The following FAM184B variants were observed in gnomAD, a reference collection of about 807,000 sequenced individuals.
FAM184B encodes protein FAM184B.
A neutral mutation model predicts 135.9 loss-of-function variants in FAM184B; 111 were observed. The observed-to-expected ratio is 0.82, with a 90% confidence interval of 0.70 to 0.96. The LOEUF (loss-of-function observed/expected upper bound fraction) is 0.96. Among genes scored for constraint, FAM184B ranks in the 40% least tolerant of loss-of-function variants. The probability of loss-of-function intolerance (pLI) is 0.00; values close to 1 mark genes in which losing one functional copy is unlikely to be tolerated. For synonymous variants in FAM184B, 552 were observed against 524.8 expected (o/e 1.05, Z -0.71); for missense variants, 1,375 against 1,323.9 (o/e 1.04, Z -0.60).
At position 17,709,263 on chromosome 4, in the gene FAM184B, G is replaced by A. The variant is rs1478889037; in HGVS notation, c.523C>T (p.Arg175Trp). 3 of 1,547,110 alleles carry A rather than the reference G, an allele frequency of 1.9e-6. No individual in the cohort carries two copies. The highest frequency in any genetic ancestry group is 2.4e-5 in the East Asian group (1 of 40,854). ...LTSHEATPQG[R>W]LPQESPETKS... ...GTTTCAGGGCTCTCCTGGGGCAGCC[G>A]GCCCTGCGGGGTAGCCTCGTGGCTC... The change falls in exon 2 of 18, where the codon CGG (arginine) becomes TGG (tryptophan). Residue 175 changes from arginine (R) to tryptophan (W), a missense_variant. Coordinates refer to ENST00000265018, the MANE Select transcript of FAM184B (RefSeq NM_015688.2).
At chr4:17,726,009 C>T (rs543570159) in intron 1 of FAM184B, among the ~76,000 whole-genome samples, 33 of 151,896 alleles carry the variant, frequency 2.2e-4, no homozygotes, top group African/African-American at 4.3e-4. Context: ...CTGTAAGCTC[C>T]GCCTCCCAGG....
chr4:17,658,718 G>A (rs1013649592), intron 9 of FAM184B, among the ~76,000 whole-genome samples, 156 bp from the exon 10 acceptor site: 1 of 152,214 alleles, frequency 6.6e-6, no homozygotes, highest in Non-Finnish European at 1.5e-5. Flanking sequence ...TTAAGGACCT[G>A]GGGGTGGCCA....
intron 1 of FAM184B, among the ~76,000 whole-genome samples, chr4:17,732,928 G>A (rs1210131483): frequency 6.6e-6 from 1 of 151,896 alleles, no homozygotes; most frequent in Non-Finnish European, 1.5e-5. Flanking sequence ...ATTGATGCAA[G>A]AATCCTCAAT....
At chr4:17,653,186 C>A (rs1715675077) in intron 10 of FAM184B, among the ~76,000 whole-genome samples, 1 of 152,166 alleles carries the variant, frequency 6.6e-6, no homozygotes, top group Non-Finnish European at 1.5e-5. Context: ...CCTTCCACAG[C>A]TGATTGGGCC....
chr4:17,671,556 TG>T (rs767796812), intron 7 of FAM184B, among the ~76,000 whole-genome samples: 9 of 152,048 alleles, frequency 5.9e-5, no homozygotes, highest in Non-Finnish European at 1.0e-4. Context: ...CTGGGAAGAC[TG>T]GGAGAGGTGA....
intron 1 of FAM184B, among the ~76,000 whole-genome samples, chr4:17,758,653 G>C (rs896360793): frequency 2.0e-5 from 3 of 152,180 alleles, no homozygotes; most frequent in African/African-American, 7.2e-5. Context: ...GTGCTCCTAC[G>C]GTGAAGAAAA....
At chr4:17,720,779 G>A (rs191075375) in intron 1 of FAM184B, among the ~76,000 whole-genome samples, 181 of 151,074 alleles carry the variant, frequency 1.2e-3, no homozygotes, top group African/African-American at 4.1e-3. Context: ...CCAGCTGCTC[G>A]AGAGGCTGAG....
At position 17,651,537 on chromosome 4, in the gene FAM184B, CAAAAAAAAAAAAAA is replaced by C. The variant is rs751455835; in HGVS notation, c.2191+1279_2191+1292del. ...TGGGCGACAGAGCAAGACTCTGTCTCAAAAAAAAAAAAAAAAAAAAAAAAAAGAAGAAAAGAAAC... is the reference window on the plus strand; with the variant it reads ...TGGGCGACAGAGCAAGACTCTGTCTCAAAAAAAAAAAAGAAGAAAAGAAAC... On this transcript the variant is annotated intron_variant, in intron 11 of 17. Coordinates refer to ENST00000265018, the MANE Select transcript of FAM184B (RefSeq NM_015688.2). 3.2e-3 allele frequency among the ~76,000 whole-genome samples: 137 copies of C among 43,118 alleles called. 1 individual carries two copies. Among genetic ancestry groups the C allele is most frequent in the African/African-American group, 0.013 (125 of 9,664 alleles). 28.3% of individuals were successfully genotyped at this position (43,118 alleles called of 152,430 possible). A position where few individuals can be genotyped will look rare whatever the true frequency, so the allele number is the denominator to read the frequency against.
At chr4:17,636,380 G>A in intron 15 of FAM184B, 148 bp downstream of exon 15, 2 of 651,456 alleles carry the variant, frequency 3.1e-6, no homozygotes, top group Non-Finnish European at 5.3e-6. Context: ...TGGGATTACA[G>A]GCTTGAGCCA....
Position 17,709,316 on chromosome 4 carries a change from T to A in FAM184B, c.470A>T (p.Asp157Val), listed in dbSNP as rs1269647844. 10 of 1,550,090 alleles carry A rather than the reference T, an allele frequency of 6.5e-6. No homozygotes were observed. Among genetic ancestry groups the A allele is most frequent in the Non-Finnish European group, 8.7e-6 (10 of 1,146,246 alleles). ...CAGGTGCTGGAGCCTCCTCTCGTAGTCAGCCTTGAGCTCCAGCATTTCCCT... is the reference window on the plus strand; with the variant it reads ...CAGGTGCTGGAGCCTCCTCTCGTAGACAGCCTTGAGCTCCAGCATTTCCCT... The part of the protein sequence containing the change: ...LSREMLELKA[D>V]YERRLQHLTS... The change falls in exon 2 of 18, where the codon GAC (aspartate) becomes GTC (valine). Residue 157 changes from aspartate to valine, a missense_variant. By Grantham distance (152) the Asp-to-Val change is radical. Transcript: ENST00000265018.
chr4:17,726,849 G>T (rs553469199), intron 1 of FAM184B, among the ~76,000 whole-genome samples: 5 of 152,268 alleles, frequency 3.3e-5, no homozygotes, highest in Admixed American at 6.5e-5. Context: ...CCCAACAAAA[G>T]CTCCAAAGCT....
Position 17,652,956 on chromosome 4 carries a change from A to T in FAM184B, c.2065T>A (p.Ser689Thr). The change falls in exon 11 of 18, where the codon TCC becomes ACC. Residue 689 changes from serine to threonine, a missense_variant. Physicochemically the swap from Ser to Thr is moderately conservative, Grantham distance 58. Transcript: ENST00000265018. ...KATEERLKKE[S>T]SHSLQIQHQT... ...TGTTGGATCTGGAGGCTGTGGCTGG[A>T]TTCCTTCTTCAAGCGTTCCTCTGTG... 6.4e-7 allele frequency: 1 copy of T among 1,551,586 alleles called. No homozygotes were observed. Among genetic ancestry groups the T allele is most frequent in the Non-Finnish European group, 8.7e-7 (1 of 1,146,972 alleles).
chr4:17,659,991 G>A lies in FAM184B; in HGVS notation c.1791C>T (p.Asp597=). Residue 597 remains aspartate (D), a synonymous_variant, in exon 9 of 18, where the codon GAC becomes GAT. Coordinates refer to ENST00000265018, the MANE Select transcript of FAM184B (RefSeq NM_015688.2). ...KTSKIQRLEE[D]WQSQKAKLQA... ...GCAATTTGGCCTTCTGGCTTTGCCA[G>A]TCCTCCTCTAGACGCTGGATTTTGG... 6.4e-7 allele frequency: 1 copy of A among 1,551,382 alleles called. No homozygotes were observed. Among genetic ancestry groups the A allele is most frequent in the Non-Finnish European group, 8.7e-7 (1 of 1,146,996 alleles).
At chr4:17,708,715 T>TATATA in intron 2 of FAM184B, among the ~76,000 whole-genome samples, 177 bp downstream of exon 2, 1 of 7,732 alleles carries the variant, frequency 1.3e-4, no homozygotes, top group Non-Finnish European at 2.4e-4. Flanking sequence ...ATATAGTGTC[T>TATATA]GTGTGTGTGT....
At chr4:17,662,045 C>T (rs1715932259) in intron 8 of FAM184B, among the ~76,000 whole-genome samples, 1 of 152,176 alleles carries the variant, frequency 6.6e-6, no homozygotes, top group South Asian at 2.1e-4. Flanking sequence ...ATTTCCATCA[C>T]CATAGATCAC....
rs1349813858 is a variant in FAM184B at position 17,673,839 on chromosome 4, A to AT, written c.1597-9181_1597-9180insA. Among the ~76,000 whole-genome samples, 3 of 18,478 alleles carry AT rather than the reference A, an allele frequency of 1.6e-4. No individual in the cohort carries two copies. The Admixed American group carries it at 2.0e-3, about 12-fold the overall frequency. 12.1% of individuals were successfully genotyped at this position (18,478 alleles called of 152,430 possible). The stretch of plus-strand genomic sequence containing the variant: ...TGTATATTGCTCAGGTGATCGGTGT[A>AT]CCAAATCTCATAAATCACTGCTAAA... On this transcript the variant is annotated intron_variant, in intron 7 of 17. Transcript: ENST00000265018.
Position 17,659,976 on chromosome 4 carries a change from C to T in FAM184B, c.1806G>A (p.Lys602=), listed in dbSNP as rs9685280. 7,231 of 1,551,096 alleles carry T rather than the reference C, an allele frequency of 4.7e-3. 243 individuals are homozygous for T. In the African/African-American group the frequency reaches 0.082, roughly 18 times the overall value. ...GTCCTACCTGGGCTTGCAATTTGGC[C>T]TTCTGGCTTTGCCAGTCCTCCTCTA... The part of the protein sequence containing the change: ...QRLEEDWQSQ[K]AKLQAQVSQM... The change falls in exon 9 of 18, where the codon AAG becomes AAA. Residue 602 remains lysine (K), a synonymous_variant. Transcript: ENST00000265018.
At chr4:17,724,134 C>T (rs1560186097) in intron 1 of FAM184B, among the ~76,000 whole-genome samples, 1 of 151,286 alleles carries the variant, frequency 6.6e-6, no homozygotes, top group Non-Finnish European at 1.5e-5. Flanking sequence ...CACACACACA[C>T]TCACACACAC....
At chr4:17,715,576 C>T (rs1577273802) in intron 1 of FAM184B, among the ~76,000 whole-genome samples, 2 of 152,036 alleles carry the variant, frequency 1.3e-5, no homozygotes, top group East Asian at 1.9e-4. Flanking sequence ...TTTCATATAG[C>T]ACAGTGACTG....
Sources: allele counts gnomAD v4.1 joint callset (sites outside exome capture counted in the v4.1 genomes callset), GRCh38; gene constraint gnomAD v4.1.1; transcripts MANE v1.5; gene names NCBI Gene and HGNC (gene_info 2026-07-23, HGNC 2026-07-21).